The following KCNMA1 variants were observed in gnomAD, a reference collection of about 807,000 sequenced individuals.
KCNMA1 encodes the protein Calcium-activated potassium channel subunit alpha-1.
A neutral mutation model predicts 140.0 loss-of-function variants in KCNMA1; 29 were observed. That is an observed-to-expected ratio of 0.21 (90% CI 0.15 to 0.28). The LOEUF (loss-of-function observed/expected upper bound fraction) is 0.28, where lower values mean the gene tolerates loss of function less well. Ranked by LOEUF, KCNMA1 falls within the 10% of genes least tolerant of loss-of-function variation. KCNMA1 has a pLI of 1.00. For synonymous variants in KCNMA1, 612 were observed against 611.9 expected (o/e 1.00, Z 0.00); for missense variants, 880 against 1,602.2 (o/e 0.55, Z 7.70).
At position 77,547,535 on chromosome 10, in the gene KCNMA1, G is replaced by A. The variant is rs558490397; in HGVS notation, c.378+89730C>T. 3.9e-5 allele frequency among the ~76,000 whole-genome samples: 6 copies of A among 152,302 alleles called. No homozygotes were observed. The East Asian group carries it at 1.2e-3, about 29-fold the overall frequency. On this transcript the variant is annotated intron_variant, in intron 1 of 27. Coordinates refer to ENST00000286628, the MANE Select transcript of KCNMA1 (RefSeq NM_001161352.2). ...CACCCAAGACAGGCTGCCCAACCGG[G>A]CCCACCTCTGTGTGGCTTCTCCAGA...
chr10:77,327,966 C>T (rs916009266), intron 2 of KCNMA1, among the ~76,000 whole-genome samples: 1 of 152,132 alleles, frequency 6.6e-6, no homozygotes, highest in Non-Finnish European at 1.5e-5. Context: ...CAAATAGGCA[C>T]TCTGAAGAGG....
intron 2 of KCNMA1, among the ~76,000 whole-genome samples, chr10:77,387,597 C>A (rs1418736202): frequency 7.1e-6 from 1 of 140,634 alleles, no homozygotes; most frequent in Non-Finnish European, 1.6e-5. Flanking sequence ...CTTTTCTTTT[C>A]TTTTCTTTTC....
At chr10:77,590,504 A>T (rs1264707952) in intron 1 of KCNMA1, among the ~76,000 whole-genome samples, 1 of 152,080 alleles carries the variant, frequency 6.6e-6, no homozygotes, top group Non-Finnish European at 1.5e-5. Context: ...CTGAGCCCAC[A>T]CCCACCCGGA....
chr10:77,286,775 G>A (rs200224197), intron 2 of KCNMA1, among the ~76,000 whole-genome samples: 34,989 of 145,994 alleles, frequency 0.24, 5,622 homozygotes, highest in Admixed American at 0.29. Flanking sequence ...GCGGGGGGGG[G>A]GGGGGGGTTC....
At chr10:77,603,547 A>G (rs561667157) in intron 1 of KCNMA1, among the ~76,000 whole-genome samples, 1 of 152,282 alleles carries the variant, frequency 6.6e-6, no homozygotes, top group East Asian at 1.9e-4. Flanking sequence ...GATCCAGTCC[A>G]TGATTGGACA....
At chr10:77,623,985 T>C (rs1389881971) in intron 1 of KCNMA1, among the ~76,000 whole-genome samples, 1 of 152,216 alleles carries the variant, frequency 6.6e-6, no homozygotes, top group Non-Finnish European at 1.5e-5. Context: ...AGTTCTGATG[T>C]GCTGGCTGCT....
intron 2 of KCNMA1, chr10:77,376,631 T>C (rs1360856334): frequency 1.4e-5 from 1 of 72,564 alleles, no homozygotes; most frequent in Admixed American, 1.6e-4. Context: ...TTTTTTTTTT[T>C]TAATTCATTA....
intron 1 of KCNMA1, among the ~76,000 whole-genome samples, chr10:77,584,684 A>T (rs899538472): frequency 6.6e-6 from 1 of 152,154 alleles, no homozygotes; most frequent in Non-Finnish European, 1.5e-5. Context: ...TTAAAGAAGA[A>T]CATGCTCCCT....
At chr10:77,394,879 G>T (rs2095984124) in intron 2 of KCNMA1, among the ~76,000 whole-genome samples, 1 of 152,138 alleles carries the variant, frequency 6.6e-6, no homozygotes, top group Admixed American at 6.5e-5. Context: ...GGGTGTTTTG[G>T]ACTCCGGATA....
chr10:76,883,839 T>G (rs895443186), downstream of KCNMA1, among the ~76,000 whole-genome samples: 9 of 151,692 alleles, frequency 5.9e-5, no homozygotes, highest in African/African-American at 2.2e-4. Flanking sequence ...AGGGGAAGTT[T>G]GGAGTCAAAT....
intron 5 of KCNMA1, among the ~76,000 whole-genome samples, chr10:77,123,944 C>CA (rs2097681469): frequency 2.0e-5 from 3 of 152,088 alleles, no homozygotes; most frequent in African/African-American, 7.2e-5. Flanking sequence ...ATGTGCTGGA[C>CA]AAAGGGAGGA....
chr10:77,514,242 G>A (rs1161410670), intron 1 of KCNMA1, among the ~76,000 whole-genome samples: 1 of 152,208 alleles, frequency 6.6e-6, no homozygotes, highest in Non-Finnish European at 1.5e-5. Context: ...AGGTGTGCTG[G>A]TCTGCCCCTC....
chr10:77,279,283 T>C (rs2067615205), intron 2 of KCNMA1, among the ~76,000 whole-genome samples: 1 of 152,150 alleles, frequency 6.6e-6, no homozygotes, highest in South Asian at 2.1e-4. Flanking sequence ...TAACAGATTG[T>C]TTCAAGGGTA....
chr10:77,354,803 T>G (rs2093318837), intron 2 of KCNMA1, among the ~76,000 whole-genome samples: 1 of 152,148 alleles, frequency 6.6e-6, no homozygotes, highest in African/African-American at 2.4e-5. Context: ...GGCCTAGAAT[T>G]TGAGTTGTCA....
intron 27 of KCNMA1, 118 bp from the exon 28 acceptor site, chr10:76,887,633 C>G: frequency 8.6e-7 from 1 of 1,159,280 alleles, no homozygotes; most frequent in East Asian, 2.4e-5. Flanking sequence ...CTGGAAGATG[C>G]ACTCCTAGCT....
chr10:77,496,580 G>A (rs532052737), intron 1 of KCNMA1, among the ~76,000 whole-genome samples: 3 of 125,380 alleles, frequency 2.4e-5, no homozygotes, highest in Admixed American at 2.0e-4. Context: ...CTGGGTGACA[G>A]AGCGAGACAC....
chr10:76,901,301 A>AT (rs2045275269), intron 25 of KCNMA1: 1 of 152,200 alleles, frequency 6.6e-6, no homozygotes, highest in Middle Eastern at 3.4e-3. Flanking sequence ...TTTTCTTTTT[A>AT]TTTTTATATG....
At chr10:77,230,076 T>G (rs930230226) in intron 3 of KCNMA1, among the ~76,000 whole-genome samples, 3 of 152,188 alleles carry the variant, frequency 2.0e-5, no homozygotes, top group East Asian at 3.8e-4. Context: ...AAACAAAATG[T>G]GTGGCAGACA....
At chr10:77,591,463 C>T (rs187984668) in intron 1 of KCNMA1, among the ~76,000 whole-genome samples, 37 of 152,218 alleles carry the variant, frequency 2.4e-4, no homozygotes, top group East Asian at 1.3e-3. Context: ...CATAGGGTTG[C>T]GAGACCAGCA....
Sources: gnomAD v4.1 joint callset for allele counts (sites outside exome capture counted in the v4.1 genomes callset) on GRCh38, gnomAD v4.1.1 for gene constraint, MANE v1.5 for transcripts, NCBI Gene and HGNC (gene_info 2026-07-23, HGNC 2026-07-21) for gene names.